Variants in KDM1B observed in about 807,000 individuals in gnomAD.
KDM1B encodes the protein lysine-specific histone demethylase 2.
KDM1B carries 63 observed loss-of-function variants against 107.4 expected under a neutral mutation model. That is an observed-to-expected ratio of 0.59 (90% confidence interval 0.48 to 0.72). The LOEUF is 0.72. KDM1B is among the 30% of genes least tolerant of loss of function. The probability of loss-of-function intolerance (pLI) is 0.00; values close to 1 mark genes in which losing one functional copy is unlikely to be tolerated. For missense variants in KDM1B, 749 were observed against 1,020.8 expected (o/e 0.73, Z 3.63); for synonymous variants, 363 against 363.9 (o/e 1.00, Z 0.03).
chr6:18,188,780 ATT>A (rs55767862), intron 9 of KDM1B, among the ~76,000 whole-genome samples: 42 of 139,432 alleles, frequency 3.0e-4, no homozygotes, highest in African/African-American at 1.0e-3. Context: ...CAGCTGGTTA[ATT>A]TTTTTTTTTT....
rs1416558444 is a variant in KDM1B at position 18,222,218 on chromosome 6, C to T, written c.*226C>T. On this transcript the variant is annotated 3_prime_UTR_variant, in exon 22 of 22. Coordinates refer to ENST00000650836, the MANE Select transcript of KDM1B (RefSeq NM_001364614.2). ...ATTGCATTTTCCATAGGTTCAACTA[C>T]TGCTGAAAGTCTGGATTTCAGAATA... is the stretch of plus-strand genomic sequence containing the variant. 1 of 642,980 alleles carries T rather than the reference C, an allele frequency of 1.6e-6. No individual in the cohort carries two copies. The highest frequency in any genetic ancestry group is 2.1e-5 in the Admixed American group (1 of 47,902). The allele number at this position is 642,980 out of a possible 1,614,324, so 39.8% of individuals were successfully genotyped here.
chr6:18,207,142 A>G (rs1289557412), intron 15 of KDM1B, among the ~76,000 whole-genome samples: 1 of 152,248 alleles, frequency 6.6e-6, no homozygotes, highest in African/African-American at 2.4e-5. Flanking sequence ...TTGTCAATAT[A>G]GAAAATCAGC....
At position 18,222,328 on chromosome 6, in the gene KDM1B, C is replaced by G. The variant is rs1294037671; in HGVS notation, c.*336C>G. Reference sequence around the variant, plus strand: ...CCTTTAGATTTCACATTTTATATGGCTGATCAATTTTCATACATTGAGAAA... The same window carrying G: ...CCTTTAGATTTCACATTTTATATGGGTGATCAATTTTCATACATTGAGAAA... On this transcript the variant is annotated 3_prime_UTR_variant, in exon 22 of 22. Transcript: ENST00000650836. The G allele has an allele frequency of 5.3e-6, 2 of 376,562 alleles. No individual in the cohort carries two copies. The highest frequency in any genetic ancestry group is 1.0e-5 in the Non-Finnish European group (2 of 196,084). 23.3% of individuals were successfully genotyped at this position (376,562 alleles called of 1,614,324 possible).
chr6:18,192,961 G>A (rs1447759893), intron 10 of KDM1B, among the ~76,000 whole-genome samples: 1 of 152,054 alleles, frequency 6.6e-6, no homozygotes, highest in Non-Finnish European at 1.5e-5. Flanking sequence ...AGGAGGCCCA[G>A]TTGGGTGGAT....
In KDM1B at chr6:18,184,940, G is replaced by A. The variant is rs142005567; in HGVS notation, c.535-832G>A. 2.1e-3 allele frequency among the ~76,000 whole-genome samples: 325 copies of A among 151,788 alleles called. 3 individuals are homozygous for A. The highest frequency in any genetic ancestry group is 7.3e-3 in the African/African-American group (304 of 41,388). The stretch of plus-strand genomic sequence containing the variant: ...TTGTAGAGATGGGGGGTGTTACCCA[G>A]GTTGGTGTTGAACTCCTAGGCTCAA... On this transcript the variant is annotated intron_variant, in intron 7 of 21. Transcript: ENST00000650836.
chr6:18,185,808 C>A lies in KDM1B; in HGVS notation c.571C>A (p.Leu191Ile). 2.5e-6 allele frequency: 4 copies of A among 1,613,766 alleles called. No individual in the cohort carries two copies. The highest frequency in any genetic ancestry group is 3.4e-6 in the Non-Finnish European group (4 of 1,179,724). ...AGATCATTGTTCCCTCCCAGAGGAT[C>A]TAGTGAGTATTTCCGGATGGTGTGG... ...TSDHCSLPEDLRVLEVSNHWW... is the reference protein window; with the variant it reads ...TSDHCSLPEDIRVLEVSNHWW... The change falls in exon 8 of 22, where the codon CTA (leucine) becomes ATA (isoleucine). Residue 191 changes from leucine (L) to isoleucine (I), a missense_variant and splice_region_variant. By Grantham distance (5) the Leu-to-Ile change is conservative (BLOSUM62 2). Transcript: ENST00000650836.
In KDM1B at chr6:18,201,706, C is replaced by A. The variant is rs1788043908; in HGVS notation, c.1531+49C>A. The A allele has an allele frequency of 1.4e-6, 2 of 1,456,144 alleles. No homozygotes were observed. Among genetic ancestry groups the A allele is most frequent in the East Asian group, 5.0e-5 (2 of 39,966 alleles). The allele number at this position is 1,456,144 out of a possible 1,614,324, so 90.2% of individuals were successfully genotyped here. On this transcript the variant is annotated intron_variant, in intron 14 of 21. Coordinates refer to ENST00000650836, the MANE Select transcript of KDM1B (RefSeq NM_001364614.2). The surrounding 1 kb of genome is among the most constrained non-coding windows in gnomAD (Gnocchi z 4.3). ...TTGTTCCATCTCAGTTTCGTTGTTACCTAAGCTTCATCAGCAGTGGCATTG... is the reference window on the plus strand; with the variant it reads ...TTGTTCCATCTCAGTTTCGTTGTTAACTAAGCTTCATCAGCAGTGGCATTG...
rs750592738 is a variant in KDM1B, at chr6:18,215,128, A to G, written c.2231A>G (p.Gln744Arg). The change falls in exon 20 of 22, where the codon CAG (glutamine) becomes CGG (arginine). Residue 744 changes from glutamine to arginine, a missense_variant and splice_region_variant. By Grantham distance (43) the Gln-to-Arg change is conservative (BLOSUM62 1). Transcript: ENST00000650836. ...MATLRELFKEQEVPDPTKYFV... is the reference protein window; with the variant it reads ...MATLRELFKEREVPDPTKYFV... Reference sequence around the variant, plus strand: ...ACGCTCCGGGAGCTGTTCAAGGAGCAGGTGAGAGAGAGGAAGCCCTCCTTG... The same window carrying G: ...ACGCTCCGGGAGCTGTTCAAGGAGCGGGTGAGAGAGAGGAAGCCCTCCTTG... 5 of 1,611,304 alleles carry G rather than the reference A, an allele frequency of 3.1e-6. No homozygotes were observed. The South Asian group carries it at 4.4e-5, about 14-fold the overall frequency.
rs1313710873 is a variant in KDM1B at position 18,186,397 on chromosome 6, T to C, written c.573+587T>C. ...TCGGTGACTGTTTCAGAAAAGAGGTTTTTAAATTTTGGGTTTCTTGAGTTT... is the reference window on the plus strand; with the variant it reads ...TCGGTGACTGTTTCAGAAAAGAGGTCTTTAAATTTTGGGTTTCTTGAGTTT... On this transcript the variant is annotated intron_variant, in intron 8 of 21. Coordinates refer to ENST00000650836, the MANE Select transcript of KDM1B (RefSeq NM_001364614.2). This position sits in a 1 kb window ranked among gnomAD's most constrained non-coding sequence, Gnocchi z 5.6. Among the ~76,000 whole-genome samples the C allele has an allele frequency of 2.0e-5, 3 of 152,146 alleles. No homozygotes were observed. Among genetic ancestry groups the C allele is most frequent in the Non-Finnish European group, 4.4e-5 (3 of 68,020 alleles).
chr6:18,190,259 A>G (rs1020328803), intron 9 of KDM1B, among the ~76,000 whole-genome samples: 1 of 152,032 alleles, frequency 6.6e-6, no homozygotes, highest in Non-Finnish European at 1.5e-5. Flanking sequence ...TGTGCACAGC[A>G]GCATGAATGT....
chr6:18,223,282 T>TAACA lies in KDM1B; in HGVS notation c.*1291_*1294dup, dbSNP rs1789912951. The TAACA allele has an allele frequency of 6.6e-6, 1 of 152,290 alleles. No homozygotes were observed. Among genetic ancestry groups the TAACA allele is most frequent in the Non-Finnish European group, 1.5e-5 (1 of 68,006 alleles). The allele number at this position is 152,290 out of a possible 1,614,324, so 9.4% of individuals were successfully genotyped here. A position where few individuals can be genotyped will look rare whatever the true frequency, so the allele number is the denominator to read the frequency against. On this transcript the variant is annotated 3_prime_UTR_variant, in exon 22 of 22. Transcript: ENST00000650836. The stretch of plus-strand genomic sequence containing the variant: ...GGTCAGTTTATAACGAGTAAATACC[T>TAACA]AACACACCAAGAATGTGCAGTGAAC...
chr6:18,171,128 C>A (rs1230421195), intron 6 of KDM1B, among the ~76,000 whole-genome samples: 2 of 152,144 alleles, frequency 1.3e-5, no homozygotes, highest in Non-Finnish European at 2.9e-5. Flanking sequence ...CCTAGAAAAC[C>A]TTTCTGACAA....
intron 9 of KDM1B, among the ~76,000 whole-genome samples, chr6:18,190,291 C>T (rs1245467216): frequency 6.6e-6 from 1 of 151,486 alleles, no homozygotes; most frequent in African/African-American, 2.4e-5. Flanking sequence ...CTGAACTGTA[C>T]ACTTAAAAAC....
intron 9 of KDM1B, among the ~76,000 whole-genome samples, chr6:18,190,805 C>G (rs1194308893): frequency 6.6e-6 from 1 of 151,618 alleles, no homozygotes; most frequent in Non-Finnish European, 1.5e-5. Flanking sequence ...GAAGCTGAGG[C>G]ATGAGAATCA....
chr6:18,163,915 A>C (rs567846101), intron 5 of KDM1B, among the ~76,000 whole-genome samples: 2 of 152,192 alleles, frequency 1.3e-5, no homozygotes, highest in Admixed American at 1.3e-4. Flanking sequence ...TGGGTCTATC[A>C]GTGTCAACTA....
rs764138600 is a variant in KDM1B at position 18,215,110 on chromosome 6, G to A, written c.2213G>A (p.Arg738Gln). The A allele has an allele frequency of 3.5e-5, 57 of 1,612,846 alleles. No homozygotes were observed. The Admixed American group carries it at 7.3e-4, about 21-fold the overall frequency. ...QVLQQCMATLRELFKEQEVPD... is the reference protein window; with the variant it reads ...QVLQQCMATLQELFKEQEVPD... ...CTGCAGCAGTGCATGGCCACGCTCC[G>A]GGAGCTGTTCAAGGAGCAGGTGAGA... is the stretch of plus-strand genomic sequence containing the variant. The change falls in exon 20 of 22, where the codon CGG becomes CAG. Residue 738 changes from arginine (R) to glutamine (Q), a missense_variant. Transcript: ENST00000650836.
chr6:18,161,223 G>A, intron 3 of KDM1B, 104 bp from the exon 4 acceptor site: 1 of 1,004,562 alleles, frequency 1.0e-6, no homozygotes, highest in Non-Finnish European at 1.5e-6. Context: ...TGATGTTTTT[G>A]ACCTTCATGT....
rs146349701 is a variant in KDM1B at position 18,208,190 on chromosome 6, G to C, written c.1850G>C (p.Gly617Ala). The stretch of plus-strand genomic sequence containing the variant: ...CAGGTTACCACTACAGATGGCACAG[G>C]GTATTCTGCACAAAAGGTAAGAGCT... The part of the protein sequence containing the change: ...EVQVTTTDGT[G>A]YSAQKVLVTV... Residue 617 changes from glycine (G) to alanine (A), a missense_variant, in exon 17 of 22, where the codon GGG becomes GCG. Gly to Ala is a moderately conservative substitution (Grantham distance 60). Coordinates refer to ENST00000650836, the MANE Select transcript of KDM1B (RefSeq NM_001364614.2). 3.7e-6 allele frequency: 6 copies of C among 1,613,108 alleles called. No homozygotes were observed. The highest frequency in any genetic ancestry group is 1.7e-5 in the Admixed American group (1 of 59,910).
chr6:18,181,312 C>CT (rs1010653795), intron 7 of KDM1B, among the ~76,000 whole-genome samples: 1 of 151,550 alleles, frequency 6.6e-6, no homozygotes, highest in Non-Finnish European at 1.5e-5. Flanking sequence ...ACTACACACA[C>CT]TTTTTTTTTC....
Sources: gnomAD v4.1 joint callset for allele counts (sites outside exome capture counted in the v4.1 genomes callset) on GRCh38, gnomAD v4.1.1 for gene constraint, Gnocchi (gnomAD v3.1) non-coding constraint, MANE v1.5 for transcripts, NCBI Gene and HGNC (gene_info 2026-07-23, HGNC 2026-07-21) for gene names.